Variants in DACT3 observed in about 807,000 individuals in gnomAD.
DACT3 encodes the protein dishevelled binding antagonist of beta catenin 3, also known as dapper homolog 3.
DACT3 carries 5 observed loss-of-function variants against 19.6 expected under a neutral mutation model. The ratio of observed to expected loss-of-function variants is 0.26; its 90% CI spans 0.13 to 0.54. The LOEUF (loss-of-function observed/expected upper bound fraction) is 0.54. Ranked by LOEUF, DACT3 falls within the 20% of genes least tolerant of loss-of-function variation. The pLI is 0.95. For missense variants in DACT3, 908 were observed against 927.4 expected (o/e 0.98, Z 0.27); for synonymous variants, 454 against 428.1 (o/e 1.06, Z -0.75).
chr19:46,649,668 G>A lies in DACT3; in HGVS notation c.704C>T (p.Pro235Leu). 8.6e-7 allele frequency: 1 copy of A among 1,169,280 alleles called. No individual in the cohort carries two copies. Among genetic ancestry groups the A allele is most frequent in the Non-Finnish European group, 1.1e-6 (1 of 948,656 alleles). 72.4% of individuals were successfully genotyped at this position (1,169,280 alleles called of 1,614,324 possible). A position where few individuals can be genotyped will look rare whatever the true frequency, so the allele number is the denominator to read the frequency against. ...CCCCGCGTCGGGCGAGTCGGTGGGA[G>A]GGCGGCCGCAGGGCCGCGGGCTGCG... Reference protein sequence around the residue: ...AMRSPRPCGRPPTDSPDAGGA... With the variant: ...AMRSPRPCGRLPTDSPDAGGA... The change falls in exon 4 of 4, where the codon CCT (proline) becomes CTT (leucine). Residue 235 changes from proline (P) to leucine (L), a missense_variant. Physicochemically the swap from Pro to Leu is moderately conservative, Grantham distance 98. Transcript: ENST00000391916.
intron 1 of DACT3, among the ~76,000 whole-genome samples, chr19:46,657,346 C>CTTTT (rs71177239): frequency 5.6e-4 from 39 of 69,406 alleles, no homozygotes; most frequent in East Asian, 8.2e-4. Flanking sequence ...AAATGAGTTT[C>CTTTT]TTTTTTTTTT....
In DACT3 at chr19:46,660,783, G is replaced by T; in HGVS notation, c.249+33C>A. ...ACCGAGACAGACAGACACAGACGGG[G>T]GTGGAGGGACGGACGGACAGGCAGC... On this transcript the variant is annotated intron_variant, in intron 1 of 3. Transcript: ENST00000391916. The surrounding 1 kb of genome is among the most constrained non-coding windows in gnomAD (Gnocchi z 4.9). The T allele has an allele frequency of 6.8e-7, 1 of 1,460,522 alleles. No homozygotes were observed. Among genetic ancestry groups the T allele is most frequent in the Non-Finnish European group, 9.0e-7 (1 of 1,111,334 alleles). 90.5% of individuals were successfully genotyped at this position (1,460,522 alleles called of 1,614,324 possible).
intron 3 of DACT3, chr19:46,651,517 A>G (rs918844368): frequency 1.3e-5 from 2 of 152,226 alleles, no homozygotes; most frequent in African/African-American, 4.8e-5. Context: ...GTGGGGGCTC[A>G]AAAACTTACT....
chr19:46,653,923 TGA>T, intron 1 of DACT3: 1 of 953,168 alleles, frequency 1.0e-6, no homozygotes, highest in Non-Finnish European at 1.2e-6. Flanking sequence ...GGTCCTTTTG[TGA>T]GTCTTCCTTA....
Position 46,649,309 on chromosome 19 carries a change from C to T in DACT3, c.1063G>A (p.Val355Met). The change falls in exon 4 of 4, where the codon GTG (valine) becomes ATG (methionine). Residue 355 changes from valine (V) to methionine (M), a missense_variant. By Grantham distance (21) the Val-to-Met change is conservative. This residue lies in a region of DACT3 where 656 missense variants were observed against 601.8 expected (regional missense o/e 1.09). Transcript: ENST00000391916. The stretch of plus-strand genomic sequence containing the variant: ...GCGCCCGGGATGTACTGCGCCTTCA[C>T]CAAGCGGCCCTCAGCCGGGCTGTCG... ...PPDSPAEGRL[V>M]KAQYIPGAQA... The T allele has an allele frequency of 8.1e-7, 1 of 1,234,484 alleles. No individual in the cohort carries two copies. The highest frequency in any genetic ancestry group is 1.0e-6 in the Non-Finnish European group (1 of 986,776). The allele number at this position is 1,234,484 out of a possible 1,614,324, so 76.5% of individuals were successfully genotyped here.
At position 46,649,639 on chromosome 19, in the gene DACT3, C is replaced by T. The variant is rs550654047; in HGVS notation, c.733G>A (p.Ala245Thr). Residue 245 changes from alanine (A) to threonine (T), a missense_variant, in exon 4 of 4, where the codon GCA (alanine) becomes ACA (threonine). By Grantham distance (58) the Ala-to-Thr change is moderately conservative (BLOSUM62 0). Around this residue, in one of 2 missense-constraint regions of DACT3, gnomAD observed 656 missense variants for 601.8 expected, o/e 1.09. Coordinates refer to ENST00000391916, the MANE Select transcript of DACT3 (RefSeq NM_145056.3). ...PPTDSPDAGG[A>T]GRPLDGYISA... ...ATGTAGCCGTCCAGGGGCCGCCCTG[C>T]GCCCCCCGCGTCGGGCGAGTCGGTG... 7,064 of 1,142,218 alleles carry T rather than the reference C, an allele frequency of 6.2e-3. 26 individuals are homozygous for T. Among genetic ancestry groups the T allele is most frequent in the Non-Finnish European group, 6.7e-3 (6,250 of 932,578 alleles). 70.8% of individuals were successfully genotyped at this position (1,142,218 alleles called of 1,614,324 possible).
chr19:46,657,375 A>T (rs2053040619), intron 1 of DACT3, among the ~76,000 whole-genome samples: 3 of 104,110 alleles, frequency 2.9e-5, no homozygotes, highest in Admixed American at 1.4e-4. Context: ...TTTTTTTGAG[A>T]CGGAGTCTTG....
chr19:46,656,782 A>T (rs1426697841), intron 1 of DACT3, among the ~76,000 whole-genome samples: 1 of 152,222 alleles, frequency 6.6e-6, no homozygotes, highest in Non-Finnish European at 1.5e-5. Context: ...GCAGAAACAG[A>T]AAAGGGCAGA....
chr19:46,659,285 C>G, intron 1 of DACT3: 1 of 983,486 alleles, frequency 1.0e-6, no homozygotes, highest in Non-Finnish European at 1.2e-6. Context: ...GCCGGGAGGA[C>G]AGAGGGCTGA....
In DACT3 at chr19:46,649,008, G is replaced by A; in HGVS notation, c.1364C>T (p.Pro455Leu). 7.9e-7 allele frequency: 1 copy of A among 1,267,262 alleles called. No individual in the cohort carries two copies. The highest frequency in any genetic ancestry group is 9.9e-7 in the Non-Finnish European group (1 of 1,008,290). 78.5% of individuals were successfully genotyped at this position (1,267,262 alleles called of 1,614,324 possible). ...GGGCGCTGGGCCGCGGCGTGGCCGT[G>A]GAGGCCGAGGCTCTTCCCGCTCCGC... ...PTAEREEPRP[P>L]RPRRGPAPTL... Residue 455 changes from proline (P) to leucine (L), a missense_variant, in exon 4 of 4, where the codon CCA (proline) becomes CTA (leucine). Around this residue, in one of 2 missense-constraint regions of DACT3, gnomAD observed 656 missense variants for 601.8 expected, o/e 1.09. Transcript: ENST00000391916.
In DACT3 at chr19:46,649,460, C is replaced by G. The variant is rs2122438558; in HGVS notation, c.912G>C (p.Glu304Asp). 8.4e-7 allele frequency: 1 copy of G among 1,188,224 alleles called. No homozygotes were observed. Among genetic ancestry groups the G allele is most frequent in the Non-Finnish European group, 1.0e-6 (1 of 958,036 alleles). 73.6% of individuals were successfully genotyped at this position (1,188,224 alleles called of 1,614,324 possible). ...PSPGSARPAR[E>D]PSLERVGGHP... Reference sequence around the variant, plus strand: ...GGCCCCCGACGCGCTCCAACGAGGGCTCCCGCGCGGGTCGCGCGCTGCCGG... The same window carrying G: ...GGCCCCCGACGCGCTCCAACGAGGGGTCCCGCGCGGGTCGCGCGCTGCCGG... The change falls in exon 4 of 4, where the codon GAG (glutamate) becomes GAC (aspartate). Residue 304 changes from glutamate (E) to aspartate (D), a missense_variant. Coordinates refer to ENST00000391916, the MANE Select transcript of DACT3 (RefSeq NM_145056.3).
At chr19:46,651,644 T>TTC (rs2052986082) in intron 3 of DACT3, 1 of 134,662 alleles carries the variant, frequency 7.4e-6, no homozygotes, top group Non-Finnish European at 1.6e-5. Flanking sequence ...CAGGCACTGT[T>TTC]TGTGTGTGTG....
Position 46,660,784 on chromosome 19 carries a change from G to T in DACT3, c.249+32C>A, listed in dbSNP as rs996372572. The T allele has an allele frequency of 1.4e-6, 2 of 1,461,584 alleles. No individual in the cohort carries two copies. The highest frequency in any genetic ancestry group is 1.8e-6 in the Non-Finnish European group (2 of 1,111,836). 90.5% of individuals were successfully genotyped at this position (1,461,584 alleles called of 1,614,324 possible). On this transcript the variant is annotated intron_variant, in intron 1 of 3. Coordinates refer to ENST00000391916, the MANE Select transcript of DACT3 (RefSeq NM_145056.3). The surrounding 1 kb of genome is among the most constrained non-coding windows in gnomAD (Gnocchi z 4.9). ...CCGAGACAGACAGACACAGACGGGG[G>T]TGGAGGGACGGACGGACAGGCAGCC...
chr19:46,656,730 G>A (rs2122475074), intron 1 of DACT3, among the ~76,000 whole-genome samples: 1 of 152,314 alleles, frequency 6.6e-6, no homozygotes, highest in East Asian at 1.9e-4. Flanking sequence ...AACGGAATGA[G>A]TCAAATTTCT....
At position 46,649,137 on chromosome 19, in the gene DACT3, C is replaced by T. The variant is rs1191305679; in HGVS notation, c.1235G>A (p.Arg412His). ...CTTGCGGGCCCTGGGCGAGCCGCGG[C>T]GGCCCGAAGCCTCGGCCATGCGTCC... ...RRGRMAEASG[R>H]RGSPRARKAS... The change falls in exon 4 of 4, where the codon CGC becomes CAC. Residue 412 changes from arginine to histidine, a missense_variant. Coordinates refer to ENST00000391916, the MANE Select transcript of DACT3 (RefSeq NM_145056.3). The T allele has an allele frequency of 3.2e-6, 4 of 1,263,892 alleles. No individual in the cohort carries two copies. Among genetic ancestry groups the T allele is most frequent in the Non-Finnish European group, 4.0e-6 (4 of 1,006,574 alleles). 78.3% of individuals were successfully genotyped at this position (1,263,892 alleles called of 1,614,324 possible).
At chr19:46,652,375 G>A (rs1271203764) in intron 3 of DACT3, 1 of 450,652 alleles carries the variant, frequency 2.2e-6, no homozygotes, top group Non-Finnish European at 3.9e-6. Context: ...TGTATAGACG[G>A]GGTTTCACTA....
chr19:46,655,170 G>T, intron 1 of DACT3: 1 of 529,656 alleles, frequency 1.9e-6, no homozygotes, highest in Non-Finnish European at 2.4e-6. Context: ...TCGGGAGAAT[G>T]TTTCCCCCAC....
At chr19:46,654,961 G>A in intron 1 of DACT3, 1 of 985,160 alleles carries the variant, frequency 1.0e-6, no homozygotes, top group Middle Eastern at 5.2e-4. Context: ...ATATTGAGAT[G>A]CTCACAGTGA....
chr19:46,650,037 A>G (rs1259719472), intron 3 of DACT3, 165 bp from the exon 4 acceptor site: 3 of 835,822 alleles, frequency 3.6e-6, no homozygotes, highest in Admixed American at 4.4e-5. Flanking sequence ...TAAAATTCAT[A>G]ATAAAATCTT....
Sources: allele counts gnomAD v4.1 joint callset (sites outside exome capture counted in the v4.1 genomes callset), GRCh38; gene constraint gnomAD v4.1.1; regional missense constraint gnomAD v4.1.1; non-coding constraint Gnocchi (gnomAD v3.1); transcripts MANE v1.5; gene names NCBI Gene and HGNC (gene_info 2026-07-23, HGNC 2026-07-21).